PTPRD: variants seen among roughly 807,000 people sequenced by gnomAD.
PTPRD encodes the protein protein tyrosine phosphatase receptor type D.
Under a neutral mutation model 214.5 loss-of-function variants are expected in PTPRD, and 34 were observed. The observed-to-expected ratio is 0.16, with a 90% confidence interval of 0.12 to 0.21. The LOEUF is 0.21. PTPRD is among the 10% of genes least tolerant of loss of function. The pLI is 1.00. For synonymous variants in PTPRD, 1,128 were observed against 845.7 expected, an observed-to-expected ratio of 1.33 and a Z score of -5.79; for missense variants, 2,545 against 2,398.7, an observed-to-expected ratio of 1.06 and a Z score of -1.27.
intron 36 of PTPRD, among the ~76,000 whole-genome samples, chr9:8,397,382 C>T (rs1160482430): frequency 6.6e-6 from 1 of 152,130 alleles, no homozygotes; most frequent in Non-Finnish European, 1.5e-5. Context: ...TAGAACTTCA[C>T]ATGGAACATT....
chr9:10,149,253 T>A (rs1410025990), intron 3 of PTPRD, among the ~76,000 whole-genome samples: 1 of 152,152 alleles, frequency 6.6e-6, no homozygotes, highest in Non-Finnish European at 1.5e-5. Context: ...CATCCAATAT[T>A]TTTACTAAAA....
intron 3 of PTPRD, among the ~76,000 whole-genome samples, chr9:10,338,834 T>C (rs146193483): frequency 1.3e-4 from 20 of 151,588 alleles, no homozygotes; most frequent in African/African-American, 4.8e-4. Flanking sequence ...AGAGATTCAA[T>C]ATAGAATGGA....
At chr9:9,563,951 A>G (rs117211671) in intron 8 of PTPRD, among the ~76,000 whole-genome samples, 1,873 of 152,230 alleles carry the variant, frequency 0.012, 8 homozygotes, top group Non-Finnish European at 0.02. Flanking sequence ...AAATGGGCAT[A>G]TGAGTCACTT....
Position 8,500,789 on chromosome 9 carries a change from T to C in PTPRD, c.2093A>G (p.Glu698Gly), listed in dbSNP as rs769002681. The C allele has an allele frequency of 6.2e-7, 1 of 1,614,122 alleles. No homozygotes were observed. Among genetic ancestry groups the C allele is most frequent in the Non-Finnish European group, 8.5e-7 (1 of 1,180,004 alleles). The change falls in exon 24 of 46, where the codon GAG (glutamate) becomes GGG (glycine). Residue 698 changes from glutamate (E) to glycine (G), a missense_variant. Physicochemically the swap from Glu to Gly is moderately conservative, Grantham distance 98. Coordinates refer to ENST00000381196, the MANE Select transcript of PTPRD (RefSeq NM_002839.4). ...TAHTDVGPGP[E>G]SLSVLIRTNE... ...GGTTCGAATCAACACGGACAAGCTC[T>C]CAGGGCCAGGGCCGACATCTGTATG...
In PTPRD at chr9:10,041,902, A is replaced by G. The variant is rs959569887; in HGVS notation, c.-544-8112T>C. 3.9e-5 allele frequency among the ~76,000 whole-genome samples: 6 copies of G among 152,190 alleles called. No individual in the cohort carries two copies. In the South Asian group the frequency reaches 1.2e-3, roughly 31 times the overall value. On this transcript the variant is annotated intron_variant, in intron 3 of 45. Coordinates refer to ENST00000381196, the MANE Select transcript of PTPRD (RefSeq NM_002839.4). ...ATATAACATATGATCTCATCTGCTC[A>G]TGGCAAAATAACATCCTCCTTAGAA... is the stretch of plus-strand genomic sequence containing the variant.
At chr9:10,270,683 T>C (rs930385495) in intron 3 of PTPRD, among the ~76,000 whole-genome samples, 1 of 152,158 alleles carries the variant, frequency 6.6e-6, no homozygotes, top group African/African-American at 2.4e-5. Flanking sequence ...TAAAAAATTG[T>C]GGTATTGGAT....
intron 6 of PTPRD, among the ~76,000 whole-genome samples, chr9:9,739,859 G>T (rs868049976): frequency 1.3e-5 from 2 of 151,934 alleles, no homozygotes; most frequent in South Asian, 4.1e-4. Context: ...GGTTTCACTT[G>T]TAATACTGGC....
chr9:10,057,793 G>A (rs1452836737), intron 3 of PTPRD, among the ~76,000 whole-genome samples: 1 of 148,816 alleles, frequency 6.7e-6, no homozygotes, highest in African/African-American at 2.5e-5. Context: ...AGTGAGAGGA[G>A]ATCATACAAC....
At chr9:8,804,374 G>A (rs1211093055) in intron 11 of PTPRD, among the ~76,000 whole-genome samples, 2 of 151,848 alleles carry the variant, frequency 1.3e-5, no homozygotes, top group Non-Finnish European at 2.9e-5. Flanking sequence ...AGAGCAGGAG[G>A]ATCACTAGAA....
intron 9 of PTPRD, among the ~76,000 whole-genome samples, chr9:9,330,769 A>C (rs2042013790): frequency 6.6e-6 from 1 of 151,946 alleles, no homozygotes; most frequent in South Asian, 2.1e-4. Context: ...TAGGGGAATA[A>C]GTGAAATTAT....
At chr9:8,860,603 A>T (rs1369340330) in intron 11 of PTPRD, 1 of 152,200 alleles carries the variant, frequency 6.6e-6, no homozygotes, top group African/African-American at 2.4e-5. Context: ...GTAGTAATGG[A>T]AGTGAGACTG....
chr9:9,455,830 A>G (rs1391237622), intron 8 of PTPRD, among the ~76,000 whole-genome samples: 2 of 151,852 alleles, frequency 1.3e-5, no homozygotes, highest in African/African-American at 2.4e-5. Flanking sequence ...CAAACAGAAT[A>G]AGCAAACACA....
chr9:8,733,993 T>G, intron 11 of PTPRD, 47 bp from the exon 12 acceptor site: 1 of 729,888 alleles, frequency 1.4e-6, no homozygotes. Flanking sequence ...AACACAAAAG[T>G]GCTTAGATTT....
intron 12 of PTPRD, among the ~76,000 whole-genome samples, chr9:8,725,558 C>A (rs372616761): frequency 6.6e-5 from 10 of 152,028 alleles, no homozygotes; most frequent in Non-Finnish European, 8.8e-5. Flanking sequence ...TATATGCCAA[C>A]AGAGATCTAA....
At chr9:9,143,161 T>C (rs1211790473) in intron 10 of PTPRD, among the ~76,000 whole-genome samples, 1 of 152,204 alleles carries the variant, frequency 6.6e-6, no homozygotes, top group African/African-American at 2.4e-5. Flanking sequence ...AAATTCCTCA[T>C]TGGAGCATGC....
chr9:10,492,498 A>G (rs10114013), intron 2 of PTPRD, among the ~76,000 whole-genome samples: 104,659 of 151,976 alleles, frequency 0.69, 37,792 homozygotes, highest in Middle Eastern at 0.84. Flanking sequence ...TTTATTGGCC[A>G]CATAAATGTC....
At chr9:10,381,402 TCAGCGGAGCA>T (rs1262932072) in intron 2 of PTPRD, among the ~76,000 whole-genome samples, 1 of 152,018 alleles carries the variant, frequency 6.6e-6, no homozygotes, top group Non-Finnish European at 1.5e-5. Flanking sequence ...GCAGAAGCCT[TCAGCGGAGCA>T]CTTGACTGCA....
Position 9,300,017 on chromosome 9 carries a change from C to T in PTPRD, c.-203+97432G>A, listed in dbSNP as rs1954682088. 4.0e-5 allele frequency among the ~76,000 whole-genome samples: 6 copies of T among 149,600 alleles called. No homozygotes were observed. In the South Asian group the frequency reaches 1.3e-3, roughly 32 times the overall value. On this transcript the variant is annotated intron_variant, in intron 9 of 45. Coordinates refer to ENST00000381196, the MANE Select transcript of PTPRD (RefSeq NM_002839.4). The stretch of plus-strand genomic sequence containing the variant: ...ATTGTAAAAAAGTTTGTTACTGACA[C>T]ACAATTTTTAAATTTACTACTTTAT...
intron 5 of PTPRD, among the ~76,000 whole-genome samples, chr9:9,802,252 T>G (rs558409760): frequency 6.6e-6 from 1 of 152,054 alleles, no homozygotes; most frequent in Non-Finnish European, 1.5e-5. Flanking sequence ...AGATCAAGAT[T>G]CCTATGGGTT....
Sources: allele counts gnomAD v4.1 joint callset (sites outside exome capture counted in the v4.1 genomes callset), GRCh38; gene constraint gnomAD v4.1.1; transcripts MANE v1.5; gene names NCBI Gene and HGNC (gene_info 2026-07-23, HGNC 2026-07-21).